KAZN: variants seen among roughly 807,000 people sequenced by gnomAD.
KAZN encodes the protein kazrin, periplakin interacting protein.
In KAZN, 40 loss-of-function variants were observed where a neutral mutation model predicts 87.4. The ratio of observed to expected loss-of-function variants is 0.46; its 90% CI spans 0.36 to 0.60. The LOEUF is 0.60. KAZN is among the 20% of genes least tolerant of loss of function. The pLI is 0.00. For missense variants in KAZN, 898 were observed against 1,073.9 expected (o/e 0.84, Z 2.29); for synonymous variants, 466 against 458.3 (o/e 1.02, Z -0.22).
chr1:14,998,590 C>A (rs1484389970), intron 2 of KAZN, among the ~76,000 whole-genome samples: 1 of 152,032 alleles, frequency 6.6e-6, no homozygotes, highest in East Asian at 1.9e-4. Context: ...ACTCTGCTGC[C>A]CAGGCTGGAG....
chr1:14,491,866 T>A (rs1669666460), intron 2 of KAZN, among the ~76,000 whole-genome samples: 1 of 152,286 alleles, frequency 6.6e-6, no homozygotes, highest in South Asian at 2.1e-4. Context: ...CTGCCACCCC[T>A]GCTTTTAAAA....
At chr1:14,131,137 G>A (rs10803456) in intron 1 of KAZN, among the ~76,000 whole-genome samples, 86,226 of 151,370 alleles carry the variant, frequency 0.57, 25,744 homozygotes, top group East Asian at 0.76. Context: ...CGGAAGAGCT[G>A]TACACTTTCA....
chr1:14,664,154 C>T (rs906077757), intron 1 of KAZN, among the ~76,000 whole-genome samples: 27 of 152,170 alleles, frequency 1.8e-4, no homozygotes, highest in East Asian at 3.8e-4. Context: ...GCTGACTGGC[C>T]GGGCGTAGTG....
At chr1:13,952,780 G>T (rs2101001375) in intron 1 of KAZN, among the ~76,000 whole-genome samples, 2 of 152,264 alleles carry the variant, frequency 1.3e-5, no homozygotes, top group South Asian at 4.1e-4. Flanking sequence ...TGGCCAGCCG[G>T]AGCTCAAATA....
At chr1:14,247,597 T>C (rs1649631621) in intron 2 of KAZN, among the ~76,000 whole-genome samples, 1 of 152,190 alleles carries the variant, frequency 6.6e-6, no homozygotes, top group African/African-American at 2.4e-5. Flanking sequence ...AGGAAATGGG[T>C]AGACCAATAG....
intron 2 of KAZN, among the ~76,000 whole-genome samples, chr1:14,389,109 A>G (rs1237468394): frequency 6.6e-6 from 1 of 152,228 alleles, no homozygotes; most frequent in African/African-American, 2.4e-5. Context: ...GGTGCTCAAC[A>G]TTATTGATCA....
intron 1 of KAZN, among the ~76,000 whole-genome samples, chr1:14,669,296 A>G (rs960657171): frequency 1.2e-4 from 18 of 152,258 alleles, no homozygotes; most frequent in African/African-American, 4.3e-4. Flanking sequence ...CTGGGTTGCT[A>G]TTAGGAGCCA....
chr1:13,991,251 G>A (rs972930506), intron 1 of KAZN, among the ~76,000 whole-genome samples: 2 of 152,004 alleles, frequency 1.3e-5, no homozygotes, highest in Non-Finnish European at 2.9e-5. Context: ...ACTGAACAGC[G>A]AGTTGGAAAA....
At chr1:14,421,872 G>A (rs917880495) in intron 2 of KAZN, among the ~76,000 whole-genome samples, 2 of 151,994 alleles carry the variant, frequency 1.3e-5, no homozygotes, top group African/African-American at 4.8e-5. Context: ...GGGTCCTGGG[G>A]AAACTCTTCC....
chr1:14,118,462 T>C (rs979384761), intron 1 of KAZN, among the ~76,000 whole-genome samples: 4 of 152,226 alleles, frequency 2.6e-5, no homozygotes, highest in African/African-American at 9.6e-5. Context: ...CTCTTTTACT[T>C]CTTTCTTTGT....
chr1:13,981,094 T>TATATATATATATATATATATATATGC (rs1186707459), intron 1 of KAZN, among the ~76,000 whole-genome samples: 9 of 65,138 alleles, frequency 1.4e-4, no homozygotes, highest in African/African-American at 4.4e-4. Context: ...ACTCTTTATA[T>TATATATATATATATATATATATATGC]ATATATATAT....
intron 2 of KAZN, among the ~76,000 whole-genome samples, chr1:14,397,271 G>A (rs1283530232): frequency 1.3e-5 from 2 of 148,878 alleles, no homozygotes; most frequent in East Asian, 3.9e-4. Flanking sequence ...TCACAGTTTT[G>A]GAGACTGGAA....
chr1:15,013,196 C>G (rs1669751068), intron 2 of KAZN, among the ~76,000 whole-genome samples: 1 of 152,212 alleles, frequency 6.6e-6, no homozygotes, highest in African/African-American at 2.4e-5. Flanking sequence ...CCACTGTGGT[C>G]ACTTTCAGTG....
chr1:14,704,386 G>A (rs904631516), intron 1 of KAZN, among the ~76,000 whole-genome samples: 1 of 152,210 alleles, frequency 6.6e-6, no homozygotes, highest in East Asian at 1.9e-4. Flanking sequence ...GGCCAATTTG[G>A]AATGCCATTG....
At chr1:14,356,794 T>C (rs1002913523) in intron 2 of KAZN, among the ~76,000 whole-genome samples, 3 of 152,196 alleles carry the variant, frequency 2.0e-5, no homozygotes, top group Non-Finnish European at 4.4e-5. Context: ...TATATCTGTT[T>C]GGGTACTGGT....
chr1:15,049,384 G>A (rs1024314888), intron 4 of KAZN, among the ~76,000 whole-genome samples: 1 of 152,202 alleles, frequency 6.6e-6, no homozygotes, highest in Non-Finnish European at 1.5e-5. Context: ...TAGACGTTTG[G>A]GGCCACATAA....
At chr1:14,922,175 T>C (rs993501058) in intron 1 of KAZN, among the ~76,000 whole-genome samples, 6 of 152,192 alleles carry the variant, frequency 3.9e-5, no homozygotes, top group Non-Finnish European at 4.4e-5. Flanking sequence ...GTCAAAATAA[T>C]ATAACATAAA....
chr1:13,974,428 G>A (rs1364156000), intron 1 of KAZN, among the ~76,000 whole-genome samples: 2 of 152,202 alleles, frequency 1.3e-5, no homozygotes, highest in African/African-American at 4.8e-5. Flanking sequence ...TGTGAATGTG[G>A]CCTTATTTGG....
At chr1:14,709,088 A>T (rs993591982) in intron 1 of KAZN, among the ~76,000 whole-genome samples, 5 of 152,116 alleles carry the variant, frequency 3.3e-5, no homozygotes, top group Admixed American at 1.3e-4. Context: ...GCATGGTGCT[A>T]GGTGACACAC....
Sources: allele counts gnomAD v4.1 joint callset (sites outside exome capture counted in the v4.1 genomes callset), GRCh38; gene constraint gnomAD v4.1.1; transcripts MANE v1.5; gene names NCBI Gene and HGNC (gene_info 2026-07-23, HGNC 2026-07-21).